Variants in YES1 observed in about 807,000 individuals in gnomAD.
YES1 encodes the protein tyrosine-protein kinase Yes.
A neutral mutation model predicts 70.4 loss-of-function variants in YES1; 39 were observed. The observed-to-expected ratio is 0.55, with a 90% CI of 0.43 to 0.72. The LOEUF (loss-of-function observed/expected upper bound fraction) is 0.72, where lower values mean the gene tolerates loss of function less well. Among genes scored for constraint, YES1 ranks in the 30% least tolerant of loss-of-function variants. YES1 has a pLI of 0.00. For synonymous variants in YES1, 198 were observed against 218.6 expected (o/e 0.91, Z 0.83); for missense variants, 495 against 644.8 (o/e 0.77, Z 2.52).
intron 9 of YES1, chr18:739,184 G>A (rs2080189291): frequency 6.6e-6 from 1 of 152,232 alleles, no homozygotes; most frequent in South Asian, 2.1e-4. Context: ...CTAAGAGTTA[G>A]ATAGCTGGTT....
chr18:756,686 T>C lies in YES1; in HGVS notation c.142A>G (p.Lys48Glu), dbSNP rs2080411397. 1 of 1,614,074 alleles carries C rather than the reference T, an allele frequency of 6.2e-7. No homozygotes were observed. The highest frequency in any genetic ancestry group is 1.3e-5 in the African/African-American group (1 of 74,926). ...CTGCTGAAATTAACTGCTGTTCCCT[T>C]TGCTGAAGATGACGGACATGGTGAC... is the stretch of plus-strand genomic sequence containing the variant. ...TVSPCPSSSA[K>E]GTAVNFSSLS... The change falls in exon 2 of 12, where the codon AAG (lysine) becomes GAG (glutamate). Residue 48 changes from lysine to glutamate, a missense_variant. This residue lies in a region of YES1 where 110 missense variants were observed against 104.0 expected (regional missense o/e 1.06). Coordinates refer to ENST00000314574, the MANE Select transcript of YES1 (RefSeq NM_005433.4).
chr18:775,952 T>C (rs1468707642), intron 1 of YES1, among the ~76,000 whole-genome samples: 1 of 152,212 alleles, frequency 6.6e-6, no homozygotes, highest in African/African-American at 2.4e-5. Context: ...GAATATACCA[T>C]AGGTAAGGGA....
At chr18:804,203 T>G (rs1906967511) in intron 1 of YES1, among the ~76,000 whole-genome samples, 1 of 152,248 alleles carries the variant, frequency 6.6e-6, no homozygotes, top group Non-Finnish European at 1.5e-5. Flanking sequence ...GTGGCTATTT[T>G]TCTCATATAA....
At chr18:808,332 G>A (rs1907202289) in intron 1 of YES1, among the ~76,000 whole-genome samples, 1 of 152,146 alleles carries the variant, frequency 6.6e-6, no homozygotes. Flanking sequence ...GAGCTGGATG[G>A]TTAGTAATCA....
At position 724,075 on chromosome 18, in the gene YES1, ATAAT is replaced by A; in HGVS notation, c.*345_*348del. Reference sequence around the variant, plus strand: ...TCTCAAGTTTTATCTGTAACAATAAATAATTTTCTTTGAGCAATTCTGACTTTGG... The same window carrying A: ...TCTCAAGTTTTATCTGTAACAATAAATTTCTTTGAGCAATTCTGACTTTGG... On this transcript the variant is annotated 3_prime_UTR_variant, in exon 12 of 12. Coordinates refer to ENST00000314574, the MANE Select transcript of YES1 (RefSeq NM_005433.4). The A allele has an allele frequency of 5.6e-6, 1 of 179,830 alleles. No homozygotes were observed. The highest frequency in any genetic ancestry group is 1.2e-5 in the Non-Finnish European group (1 of 84,546). The allele number at this position is 179,830 out of a possible 1,614,324, so 11.1% of individuals were successfully genotyped here.
At chr18:781,810 T>C (rs1905684375) in intron 1 of YES1, among the ~76,000 whole-genome samples, 1 of 152,192 alleles carries the variant, frequency 6.6e-6, no homozygotes, top group South Asian at 2.1e-4. Flanking sequence ...GTTGTAAGAA[T>C]TAACTGATAT....
At chr18:731,183 G>A in intron 11 of YES1, among the ~76,000 whole-genome samples, 1 of 152,146 alleles carries the variant, frequency 6.6e-6, no homozygotes, top group Admixed American at 6.6e-5. Context: ...GCAGTTATTG[G>A]TAACATTAAG....
chr18:742,443 G>A (rs1459339379), intron 8 of YES1, among the ~76,000 whole-genome samples: 3 of 137,336 alleles, frequency 2.2e-5, no homozygotes, highest in African/African-American at 8.5e-5. Context: ...ACATAGTTGA[G>A]ACCCCAGTCT....
intron 1 of YES1, among the ~76,000 whole-genome samples, chr18:757,347 CA>C (rs1203323667): frequency 1.3e-5 from 2 of 151,378 alleles, no homozygotes; most frequent in Non-Finnish European, 2.9e-5. Flanking sequence ...ACTAAAAATG[CA>C]AAAAATTAGC....
At chr18:800,489 T>C (rs947262598) in intron 1 of YES1, among the ~76,000 whole-genome samples, 15 of 152,322 alleles carry the variant, frequency 9.8e-5, no homozygotes, top group African/African-American at 3.1e-4. Context: ...AGTTGTACTG[T>C]AGATATTGTG....
chr18:791,307 CA>C (rs1281349823), intron 1 of YES1, among the ~76,000 whole-genome samples: 2 of 149,460 alleles, frequency 1.3e-5, no homozygotes, highest in African/African-American at 4.9e-5. Context: ...CAACAGTGAA[CA>C]AAACGTCCCA....
At chr18:765,546 G>C (rs1442137420) in intron 1 of YES1, among the ~76,000 whole-genome samples, 1 of 151,466 alleles carries the variant, frequency 6.6e-6, no homozygotes, top group Non-Finnish European at 1.5e-5. Flanking sequence ...TTACAGGCGT[G>C]TACCACCACA....
At chr18:726,002 T>A (rs1476248474) in intron 11 of YES1, among the ~76,000 whole-genome samples, 3 of 152,210 alleles carry the variant, frequency 2.0e-5, no homozygotes, top group Non-Finnish European at 2.9e-5. Context: ...TTACTATAAT[T>A]GAACTTCTTT....
chr18:761,427 A>G lies in YES1; in HGVS notation c.-8-4592T>C, dbSNP rs1445161499. Among the ~76,000 whole-genome samples the G allele has an allele frequency of 2.6e-5, 4 of 152,184 alleles. No homozygotes were observed. The South Asian group carries it at 8.3e-4, about 32-fold the overall frequency. ...TATGGGGGAAACCCAGTAATACTGT[A>G]ATTTAAATTCTGATAGGAGGCCAAC... On this transcript the variant is annotated intron_variant, in intron 1 of 11. Transcript: ENST00000314574.
upstream of YES1, chr18:812,630 A>G (rs1360896232): frequency 1.3e-5 from 2 of 152,322 alleles, no homozygotes; most frequent in African/African-American, 4.8e-5. Flanking sequence ...CCCTGCCCGG[A>G]GAGCAGGCCC....
intron 1 of YES1, among the ~76,000 whole-genome samples, chr18:773,107 A>G (rs769657443): frequency 2.6e-5 from 4 of 152,232 alleles, no homozygotes; most frequent in Non-Finnish European, 5.9e-5. Flanking sequence ...TTTAATAGCT[A>G]GTAGAAATAC....
At chr18:773,349 G>A (rs567660436) in intron 1 of YES1, among the ~76,000 whole-genome samples, 3 of 152,282 alleles carry the variant, frequency 2.0e-5, no homozygotes, top group Non-Finnish European at 2.9e-5. Context: ...TGGATAACGG[G>A]CAAGAGAAGG....
In YES1 at chr18:759,793, T is replaced by C. The variant is rs547187822; in HGVS notation, c.-8-2958A>G. Among the ~76,000 whole-genome samples the C allele has an allele frequency of 3.9e-5, 6 of 152,284 alleles. No homozygotes were observed. The East Asian group carries it at 9.7e-4, about 25-fold the overall frequency. ...GTTACATATGTATACATGTGCCATG[T>C]TGGTGTGCTGCACCCATTAACTCGT... On this transcript the variant is annotated intron_variant, in intron 1 of 11. Transcript: ENST00000314574.
intron 11 of YES1, among the ~76,000 whole-genome samples, chr18:727,846 T>C (rs1191220709): frequency 6.6e-6 from 1 of 152,160 alleles, no homozygotes; most frequent in African/African-American, 2.4e-5. Context: ...AATTTCACTC[T>C]TCCCTGGCTT....
Sources: allele counts gnomAD v4.1 joint callset (sites outside exome capture counted in the v4.1 genomes callset), GRCh38; gene constraint gnomAD v4.1.1; regional missense constraint gnomAD v4.1.1; transcripts MANE v1.5; gene names NCBI Gene and HGNC (gene_info 2026-07-23, HGNC 2026-07-21).